SIRPA: variants seen among roughly 807,000 people sequenced by gnomAD.
SIRPA encodes the protein tyrosine-protein phosphatase non-receptor type substrate 1.
A neutral mutation model predicts 50.3 loss-of-function variants in SIRPA; 9 were observed. The observed-to-expected ratio is 0.18, with a 90% CI of 0.11 to 0.31. The LOEUF (loss-of-function observed/expected upper bound fraction) is 0.31, where lower values mean the gene tolerates loss of function less well. Among genes scored for constraint, SIRPA ranks in the 10% least tolerant of loss-of-function variants. The probability of loss-of-function intolerance (pLI) is 1.00; values close to 1 mark genes in which losing one functional copy is unlikely to be tolerated. For missense variants in SIRPA, 474 were observed against 661.6 expected (o/e 0.72, Z 3.11); for synonymous variants, 265 against 284.1 (o/e 0.93, Z 0.68).
intron 6 of SIRPA, among the ~76,000 whole-genome samples, chr20:1,931,185 C>G (rs1454727163): frequency 6.6e-6 from 1 of 152,330 alleles, no homozygotes; most frequent in East Asian, 1.9e-4. Context: ...GCCCCACCCC[C>G]AAAGTCCCTG....
At chr20:1,903,037 AGAAAG>A in intron 1 of SIRPA, among the ~76,000 whole-genome samples, 1 of 96,388 alleles carries the variant, frequency 1.0e-5, no homozygotes, top group African/African-American at 5.2e-5. Context: ...AAAAAAGAAA[AGAAAG>A]AAAAGAAAAT....
chr20:1,919,561 G>T (rs759838104), intron 2 of SIRPA, among the ~76,000 whole-genome samples: 1 of 152,202 alleles, frequency 6.6e-6, no homozygotes, highest in Non-Finnish European at 1.5e-5. Context: ...TCCAGCCTCA[G>T]TGTGGGGAAA....
intron 1 of SIRPA, among the ~76,000 whole-genome samples, chr20:1,910,135 CT>C (rs1315298730): frequency 1.3e-5 from 2 of 152,166 alleles, no homozygotes; most frequent in African/African-American, 4.8e-5. Context: ...TGAAATCCAT[CT>C]TTGCCTCGAG....
intron 1 of SIRPA, among the ~76,000 whole-genome samples, chr20:1,913,990 T>G (rs1985065687): frequency 1.3e-5 from 2 of 152,098 alleles, no homozygotes. Context: ...AGCTGCCCAT[T>G]TGGGAGCCCT....
chr20:1,896,310 T>G (rs1042457444), intron 1 of SIRPA, among the ~76,000 whole-genome samples: 1 of 152,228 alleles, frequency 6.6e-6, no homozygotes, highest in African/African-American at 2.4e-5. Flanking sequence ...TCTGTTGGCC[T>G]ACATCAAACA....
intron 4 of SIRPA, among the ~76,000 whole-genome samples, chr20:1,923,755 C>A (rs1437082419): frequency 6.6e-6 from 1 of 152,226 alleles, no homozygotes; most frequent in African/African-American, 2.4e-5. Context: ...AGCTATGTTG[C>A]ATACTTGGCT....
chr20:1,933,641 G>A lies in SIRPA; in HGVS notation c.1227-1074G>A, dbSNP rs915894579. On this transcript the variant is annotated intron_variant, in intron 6 of 7. Coordinates refer to ENST00000358771, the MANE Select transcript of SIRPA (RefSeq NM_001040023.2). The surrounding 1 kb of genome is among the most constrained non-coding windows in gnomAD (Gnocchi z 4.4). ...CCTGGAGGGTTCTTTCTGTGGCCAC[G>A]TGGGGCTTGTCATGTCTCAGAACTG... 3.9e-5 allele frequency among the ~76,000 whole-genome samples: 6 copies of A among 152,168 alleles called. No homozygotes were observed. Among genetic ancestry groups the A allele is most frequent in the African/African-American group, 1.4e-4 (6 of 41,426 alleles).
chr20:1,935,200 G>C (rs1361820741), intron 7 of SIRPA, among the ~76,000 whole-genome samples: 1 of 152,200 alleles, frequency 6.6e-6, no homozygotes, highest in Non-Finnish European at 1.5e-5. Context: ...CACCTTTGCT[G>C]ATGGAAAGAC....
rs919314698 is a variant in SIRPA at position 1,940,063 on chromosome 20, T to G, written c.*2495T>G. ...GTAGGTTTTAGAGACGTACAATTTT[T>G]GTTTGCCCTGGCTCAGAAGGAGCCG... is the stretch of plus-strand genomic sequence containing the variant. On this transcript the variant is annotated 3_prime_UTR_variant, in exon 8 of 8. Transcript: ENST00000358771. The G allele has an allele frequency of 3.3e-5, 5 of 152,224 alleles. No homozygotes were observed. The highest frequency in any genetic ancestry group is 2.0e-4 in the Admixed American group (3 of 15,284). 9.4% of individuals were successfully genotyped at this position (152,224 alleles called of 1,614,324 possible).
intron 1 of SIRPA, among the ~76,000 whole-genome samples, chr20:1,902,568 C>A (rs533402227): frequency 3.3e-5 from 5 of 152,284 alleles, no homozygotes; most frequent in African/African-American, 1.2e-4. Flanking sequence ...CACCTGCTCT[C>A]GTGCAGCAGA....
At chr20:1,905,150 A>G (rs966956882) in intron 1 of SIRPA, among the ~76,000 whole-genome samples, 1 of 152,256 alleles carries the variant, frequency 6.6e-6, no homozygotes. Flanking sequence ...AAATCCCGTC[A>G]GTCCGGAGAC....
intron 1 of SIRPA, among the ~76,000 whole-genome samples, chr20:1,908,810 T>G (rs1246724145): frequency 6.6e-6 from 1 of 152,228 alleles, no homozygotes; most frequent in Non-Finnish European, 1.5e-5. Context: ...CTATATCCTG[T>G]GTACATCCTC....
chr20:1,902,634 T>TG (rs1984288429), intron 1 of SIRPA, among the ~76,000 whole-genome samples: 1 of 151,864 alleles, frequency 6.6e-6, no homozygotes, highest in African/African-American at 2.4e-5. Context: ...GCCAGGTAGC[T>TG]GGGGAGAAAA....
rs1303934614 is a variant in SIRPA at position 1,939,319 on chromosome 20, GAGCTCAGCAT to G, written c.*1754_*1763del. The G allele has an allele frequency of 1.3e-5, 2 of 152,208 alleles. No individual in the cohort carries two copies. Among genetic ancestry groups the G allele is most frequent in the African/African-American group, 4.8e-5 (2 of 41,434 alleles). The allele number at this position is 152,208 out of a possible 1,614,324, so 9.4% of individuals were successfully genotyped here. A position where few individuals can be genotyped will look rare whatever the true frequency, so the allele number is the denominator to read the frequency against. On this transcript the variant is annotated 3_prime_UTR_variant, in exon 8 of 8. Coordinates refer to ENST00000358771, the MANE Select transcript of SIRPA (RefSeq NM_001040023.2). The surrounding 1 kb of genome is among the most constrained non-coding windows in gnomAD (Gnocchi z 4.7). ...GGAGGTCCTACAGGTGAAACTGCAG[GAGCTCAGCAT>G]AGACCCAGCTCTCTGGGGGATGGTC...
rs201259710 is a variant in SIRPA at position 1,933,358 on chromosome 20, T to TC, written c.1227-1356dup. Among the ~76,000 whole-genome samples, 568 of 151,858 alleles carry TC rather than the reference T, an allele frequency of 3.7e-3. 3 individuals are homozygous for TC. Among genetic ancestry groups the TC allele is most frequent in the African/African-American group, 0.013 (530 of 41,382 alleles). Reference sequence around the variant, plus strand: ...GAGGAAAAATGATCAAAGGGGTCCTTCGAGGCTGCTATTGAAGCATGAAGT... The same window carrying TC: ...GAGGAAAAATGATCAAAGGGGTCCTTCCGAGGCTGCTATTGAAGCATGAAGT... On this transcript the variant is annotated intron_variant, in intron 6 of 7. Transcript: ENST00000358771. This position sits in a 1 kb window ranked among gnomAD's most constrained non-coding sequence, Gnocchi z 4.4.
At position 1,922,380 on chromosome 20, in the gene SIRPA, G is replaced by C. The variant is rs2123155966; in HGVS notation, c.822G>C (p.Gln274His). The C allele has an allele frequency of 6.2e-7, 1 of 1,614,246 alleles. No individual in the cohort carries two copies. Among genetic ancestry groups the C allele is most frequent in the South Asian group, 1.1e-5 (1 of 91,092 alleles). ...RAENQVNVTC[Q>H]VRKFYPQRLQ... is the part of the protein sequence containing the mutation. ...AGAACCAGGTGAATGTCACCTGCCA[G>C]GTGAGGAAGTTCTACCCCCAGAGAC... Residue 274 changes from glutamine (Q) to histidine (H), a missense_variant, in exon 4 of 8, where the codon CAG becomes CAC. By Grantham distance (24) the Gln-to-His change is conservative. Around this residue, in one of 4 missense-constraint regions of SIRPA, gnomAD observed 221 missense variants for 359.9 expected, o/e 0.61. Transcript: ENST00000358771.
rs1986486282 is a variant in SIRPA, at chr20:1,934,851, T to C, written c.1266+97T>C. ...AGATCTGGTTCTAAATTAAGACTCC[T>C]TGTGGGGTGGAGGGTGGAGGATCTT... On this transcript the variant is annotated intron_variant, in intron 7 of 7. Coordinates refer to ENST00000358771, the MANE Select transcript of SIRPA (RefSeq NM_001040023.2). The surrounding 1 kb of genome is among the most constrained non-coding windows in gnomAD (Gnocchi z 4.6). 9.0e-6 allele frequency: 12 copies of C among 1,340,446 alleles called. No homozygotes were observed. Among genetic ancestry groups the C allele is most frequent in the South Asian group, 8.2e-5 (7 of 85,008 alleles). 83.0% of individuals were successfully genotyped at this position (1,340,446 alleles called of 1,614,324 possible).
chr20:1,899,894 A>G (rs939824866), intron 1 of SIRPA, among the ~76,000 whole-genome samples: 1 of 152,230 alleles, frequency 6.6e-6, no homozygotes, highest in African/African-American at 2.4e-5. Context: ...CATGCCTTGT[A>G]TGTAGTAAGC....
intron 3 of SIRPA, 31 bp downstream of exon 3, chr20:1,921,743 A>C (rs750332979): frequency 6.2e-7 from 1 of 1,613,758 alleles, no homozygotes; most frequent in Admixed American, 1.7e-5. Flanking sequence ...CCAAGCCCAC[A>C]CCTGACCGCC....
Sources: gnomAD v4.1 joint callset for allele counts (sites outside exome capture counted in the v4.1 genomes callset) on GRCh38, gnomAD v4.1.1 for gene constraint, gnomAD v4.1.1 regional missense constraint, Gnocchi (gnomAD v3.1) non-coding constraint, MANE v1.5 for transcripts, NCBI Gene and HGNC (gene_info 2026-07-23, HGNC 2026-07-21) for gene names.